INTU: variants seen among roughly 807,000 people sequenced by gnomAD.
The protein encoded by INTU is inturned planar cell polarity protein.
Under a neutral mutation model 100.5 loss-of-function variants are expected in INTU, and 68 were observed. That is an observed-to-expected ratio of 0.68 (90% CI 0.56 to 0.83). The LOEUF (loss-of-function observed/expected upper bound fraction) is 0.83, where lower values mean the gene tolerates loss of function less well. Ranked by LOEUF, INTU falls within the 40% of genes least tolerant of loss-of-function variation. The pLI is 0.00. For synonymous variants in INTU, 357 were observed against 395.7 expected (o/e 0.90, Z 1.16); for missense variants, 1,071 against 1,114.7 (o/e 0.96, Z 0.56).
chr4:127,716,255 A>G, intron 15 of INTU, 70 bp from the exon 16 acceptor site: 1 of 680,738 alleles, frequency 1.5e-6, no homozygotes, highest in South Asian at 2.5e-5. Context: ...AATTAAATTA[A>G]TTGGATGGTT....
At position 127,643,844 on chromosome 4, in the gene INTU, G is replaced by T; in HGVS notation, c.470G>T (p.Arg157Leu). ...AAGACAGGAGTCATTGTCCAACAGC[G>T]ATACAAAGATGTGAATGTTTATGTA... ...NQKTGVIVQQ[R>L]YKDVNVYVNP... Residue 157 changes from arginine to leucine, a missense_variant, in exon 2 of 16, where the codon CGA becomes CTA. By Grantham distance (102) the Arg-to-Leu change is moderately radical. Coordinates refer to ENST00000335251, the MANE Select transcript of INTU (RefSeq NM_015693.4). 1 of 1,613,830 alleles carries T rather than the reference G, an allele frequency of 6.2e-7. No homozygotes were observed. The highest frequency in any genetic ancestry group is 8.5e-7 in the Non-Finnish European group (1 of 1,179,992).
At chr4:127,636,008 C>A (rs1727052974) in intron 1 of INTU, among the ~76,000 whole-genome samples, 1 of 152,122 alleles carries the variant, frequency 6.6e-6, no homozygotes, top group Non-Finnish European at 1.5e-5. Context: ...GTGGCTCATA[C>A]CTGTAATCCT....
chr4:127,663,003 T>C (rs575704180), intron 3 of INTU, among the ~76,000 whole-genome samples: 3 of 152,242 alleles, frequency 2.0e-5, no homozygotes, highest in Non-Finnish European at 4.4e-5. Flanking sequence ...AAGCCAGTGC[T>C]ATCGGCATTG....
chr4:127,646,114 G>A (rs894207488), intron 2 of INTU, among the ~76,000 whole-genome samples: 29 of 151,216 alleles, frequency 1.9e-4, no homozygotes, highest in Admixed American at 1.8e-3. Context: ...AACCTGGGAG[G>A]CAGAGGTTGC....
chr4:127,693,798 G>A (rs1459903570), intron 8 of INTU, among the ~76,000 whole-genome samples: 1 of 152,040 alleles, frequency 6.6e-6, no homozygotes, highest in East Asian at 1.9e-4. Flanking sequence ...GCCGGATTTT[G>A]TCAAATGCTT....
In INTU at chr4:127,633,251, A is replaced by G. The variant is rs1293360907; in HGVS notation, c.146+71A>G. 1.4e-5 allele frequency: 21 copies of G among 1,494,136 alleles called. No individual in the cohort carries two copies. The East Asian group carries it at 4.1e-4, about 29-fold the overall frequency. 92.6% of individuals were successfully genotyped at this position (1,494,136 alleles called of 1,614,324 possible). On this transcript the variant is annotated intron_variant, in intron 1 of 15. Transcript: ENST00000335251. ...GAGAATATACACGTGGGCTGGGGGA[A>G]CTGCAAGGGTGTTGGCGTGGTTGGA...
intron 7 of INTU, chr4:127,687,113 G>A (rs142763788): frequency 3.3e-5 from 5 of 152,248 alleles, no homozygotes; most frequent in Admixed American, 1.3e-4. Context: ...TAAATAATAA[G>A]CATAATAAGA....
rs1436345186 is a variant in INTU at position 127,724,779 on chromosome 4, A to G, written c.*8343A>G. The G allele has an allele frequency of 1.3e-5, 2 of 152,210 alleles. No homozygotes were observed. The highest frequency in any genetic ancestry group is 6.5e-5 in the Admixed American group (1 of 15,282). The allele number at this position is 152,210 out of a possible 1,614,324, so 9.4% of individuals were successfully genotyped here. On this transcript the variant is annotated 3_prime_UTR_variant, in exon 16 of 16. Coordinates refer to ENST00000335251, the MANE Select transcript of INTU (RefSeq NM_015693.4). ...TTTCCATCTTAAATATGAGCTGTCCAGCTTAGTCAAAACTAACTGCAAAAC... is the reference window on the plus strand; with the variant it reads ...TTTCCATCTTAAATATGAGCTGTCCGGCTTAGTCAAAACTAACTGCAAAAC...
At chr4:127,656,417 G>T (rs185302777) in intron 2 of INTU, among the ~76,000 whole-genome samples, 27 of 152,174 alleles carry the variant, frequency 1.8e-4, no homozygotes, top group Admixed American at 1.1e-3. Context: ...ATTATTTATG[G>T]TGCAATAATG....
At chr4:127,653,870 G>C (rs1415462509) in intron 2 of INTU, among the ~76,000 whole-genome samples, 1 of 151,752 alleles carries the variant, frequency 6.6e-6, no homozygotes, top group Admixed American at 6.5e-5. Context: ...TCTCTTTGTA[G>C]GTCACTCAGG....
intron 11 of INTU, among the ~76,000 whole-genome samples, chr4:127,706,197 A>T (rs1730870912): frequency 6.6e-6 from 1 of 152,184 alleles, no homozygotes; most frequent in Non-Finnish European, 1.5e-5. Context: ...TTGTAGATGA[A>T]AGGACTTCCA....
At chr4:127,644,337 T>A (rs1290529734) in intron 2 of INTU, among the ~76,000 whole-genome samples, 1 of 152,240 alleles carries the variant, frequency 6.6e-6, no homozygotes, top group African/African-American at 2.4e-5. Context: ...TTATTTCATC[T>A]TGGTTATATT....
intron 15 of INTU, among the ~76,000 whole-genome samples, chr4:127,714,912 G>A (rs1375014279): frequency 2.0e-5 from 3 of 152,118 alleles, no homozygotes; most frequent in African/African-American, 7.2e-5. Context: ...TGGGTGGGCA[G>A]TGGGCGGTAT....
rs1731273403 is a variant in INTU at position 127,716,760 on chromosome 4, T to C, written c.*324T>C. On this transcript the variant is annotated 3_prime_UTR_variant, in exon 16 of 16. Transcript: ENST00000335251. ...TTATATCAGATTAATATAGGAAATG[T>C]TTATTCTTGAAAAATACTCAATTTG... 1 of 160,282 alleles carries C rather than the reference T, an allele frequency of 6.2e-6. No homozygotes were observed. The highest frequency in any genetic ancestry group is 2.0e-4 in the South Asian group (1 of 4,914). The allele number at this position is 160,282 out of a possible 1,614,324, so 9.9% of individuals were successfully genotyped here.
intron 8 of INTU, among the ~76,000 whole-genome samples, chr4:127,696,856 A>T (rs918029361): frequency 1.3e-5 from 2 of 152,118 alleles, no homozygotes; most frequent in Admixed American, 1.3e-4. Flanking sequence ...GCTGCACCAT[A>T]TAAGTTTTGA....
intron 2 of INTU, among the ~76,000 whole-genome samples, chr4:127,648,509 A>G (rs549937046): frequency 2.6e-5 from 4 of 152,348 alleles, no homozygotes; most frequent in South Asian, 2.1e-4. Context: ...AATACTCCCT[A>G]TAACACTCAG....
At chr4:127,651,473 G>C (rs187540327) in intron 2 of INTU, among the ~76,000 whole-genome samples, 4 of 152,038 alleles carry the variant, frequency 2.6e-5, no homozygotes, top group Admixed American at 2.6e-4. Context: ...TATTAAATAG[G>C]GAATCCTTTC....
intron 2 of INTU, among the ~76,000 whole-genome samples, chr4:127,655,597 C>T (rs570660284): frequency 2.9e-4 from 44 of 151,584 alleles, no homozygotes; most frequent in Admixed American, 7.2e-4. Context: ...TCTCCAGCTG[C>T]GTGCTGGGAG....
chr4:127,699,991 T>TC lies in INTU; in HGVS notation c.1450-19_1450-18insC. On this transcript the variant is annotated intron_variant, in intron 8 of 15. Coordinates refer to ENST00000335251, the MANE Select transcript of INTU (RefSeq NM_015693.4). ...ATGAGTCAAATGTTTATGTTACTCT[T>TC]TTTTTTTTTTTAACATAGATGGAAT... is the stretch of plus-strand genomic sequence containing the variant. 9.0e-7 allele frequency: 1 copy of TC among 1,114,636 alleles called. No homozygotes were observed. Among genetic ancestry groups the TC allele is most frequent in the South Asian group, 2.0e-5 (1 of 50,170 alleles). 69.0% of individuals were successfully genotyped at this position (1,114,636 alleles called of 1,614,324 possible). A position where few individuals can be genotyped will look rare whatever the true frequency, so the allele number is the denominator to read the frequency against.
Sources: gnomAD v4.1 joint callset for allele counts (sites outside exome capture counted in the v4.1 genomes callset) on GRCh38, gnomAD v4.1.1 for gene constraint, MANE v1.5 for transcripts, NCBI Gene and HGNC (gene_info 2026-07-23, HGNC 2026-07-21) for gene names.